SLC8A1: variants seen among roughly 807,000 people sequenced by gnomAD.
The protein encoded by SLC8A1 is solute carrier family 8 member A1.
In SLC8A1, 18 loss-of-function variants were observed where a neutral mutation model predicts 68.3. The ratio of observed to expected loss-of-function variants is 0.26; its 90% CI spans 0.18 to 0.39. The LOEUF (loss-of-function observed/expected upper bound fraction) is 0.39. SLC8A1 is among the 10% of genes least tolerant of loss of function. The pLI, the probability that SLC8A1 is intolerant of heterozygous loss-of-function variation, is 1.00. For missense variants in SLC8A1, 985 were observed against 1,156.7 expected (o/e 0.85, Z 2.15); for synonymous variants, 475 against 415.5 (o/e 1.14, Z -1.74).
chr2:40,216,040 T>A (rs1019590933), intron 2 of SLC8A1, among the ~76,000 whole-genome samples: 2 of 151,006 alleles, frequency 1.3e-5, no homozygotes, highest in Admixed American at 6.6e-5. Context: ...TTTTTAAAAA[T>A]TTTACTTTAA....
chr2:40,138,538 C>A (rs1312008681), intron 7 of SLC8A1, among the ~76,000 whole-genome samples: 5 of 152,154 alleles, frequency 3.3e-5, no homozygotes, highest in Non-Finnish European at 5.9e-5. Context: ...GTGCTGGAGA[C>A]TAGATCCAGA....
Position 40,370,048 on chromosome 2 carries a change from T to G in SLC8A1, c.1808+58425A>C, listed in dbSNP as rs182588248. The stretch of plus-strand genomic sequence containing the variant: ...AAATCTTATCTGTTGCTGTTAGTCT[T>G]AGCAAACACAATACAGGGAGACATG... On this transcript the variant is annotated intron_variant, in intron 2 of 7. Coordinates refer to ENST00000406785, the Ensembl canonical transcript of SLC8A1. 2.4e-4 allele frequency among the ~76,000 whole-genome samples: 37 copies of G among 152,242 alleles called. 1 individual carries two copies. The East Asian group carries it at 6.8e-3, about 28-fold the overall frequency.
At chr2:40,224,380 C>G (rs550965830) in intron 2 of SLC8A1, among the ~76,000 whole-genome samples, 99 of 152,194 alleles carry the variant, frequency 6.5e-4, no homozygotes, top group African/African-American at 2.3e-3. Context: ...CTATTTAGAA[C>G]TGGAGGTTCC....
intron 2 of SLC8A1, among the ~76,000 whole-genome samples, chr2:40,318,935 A>G (rs2074842253): frequency 6.6e-6 from 1 of 152,218 alleles, no homozygotes; most frequent in East Asian, 1.9e-4. Context: ...GAATTTCTGC[A>G]GATGTTACTG....
exon 8 of SLC8A1, chr2:40,099,840 T>A (rs2033793855): frequency 6.6e-6 from 1 of 152,064 alleles, no homozygotes; most frequent in African/African-American, 2.4e-5. Flanking sequence ...TAGATTCATT[T>A]CCTACCTGAA....
chr2:40,244,565 C>CAA (rs70957161), intron 2 of SLC8A1, among the ~76,000 whole-genome samples: 5 of 127,548 alleles, frequency 3.9e-5, no homozygotes, highest in East Asian at 2.8e-4. Flanking sequence ...TATGAAAAAC[C>CAA]AAAAAAAAAA....
exon 2 of SLC8A1, chr2:40,430,221 T>G (rs989112001): frequency 6.2e-7 from 1 of 1,613,572 alleles, no homozygotes; most frequent in Admixed American, 1.7e-5. Context: ...TCACAGTAAC[T>G]AACAGATGAA....
intron 1 of SLC8A1, among the ~76,000 whole-genome samples, chr2:40,470,263 G>A (rs1415043533): frequency 6.6e-6 from 1 of 151,970 alleles, no homozygotes; most frequent in African/African-American, 2.4e-5. Flanking sequence ...AATCAAAATA[G>A]TTTTTCTGTA....
At chr2:40,452,421 T>G (rs1392358504), upstream of SLC8A1, among the ~76,000 whole-genome samples, 1 of 152,082 alleles carries the variant, frequency 6.6e-6, no homozygotes, top group Non-Finnish European at 1.5e-5. Flanking sequence ...GGCCCCGCAG[T>G]GCGTTGTGGC....
chr2:40,435,342 C>T (rs1371242741), intron 1 of SLC8A1, among the ~76,000 whole-genome samples: 1 of 152,070 alleles, frequency 6.6e-6, no homozygotes. Context: ...CTCATCTGAC[C>T]ATCTCACCTA....
chr2:40,247,435 TGTG>T (rs1410052473), intron 2 of SLC8A1, among the ~76,000 whole-genome samples: 1 of 26,842 alleles, frequency 3.7e-5, no homozygotes, highest in African/African-American at 9.6e-5. Flanking sequence ...AGCATATATA[TGTG>T]TGTGTGTGTG....
At chr2:40,468,712 C>T (rs1204092098) in intron 1 of SLC8A1, among the ~76,000 whole-genome samples, 1 of 151,984 alleles carries the variant, frequency 6.6e-6, no homozygotes, top group Non-Finnish European at 1.5e-5. Flanking sequence ...TTAGCTTCAC[C>T]AGTTGTCAAC....
chr2:40,416,229 T>C (rs1693835429), intron 2 of SLC8A1, among the ~76,000 whole-genome samples: 1 of 152,102 alleles, frequency 6.6e-6, no homozygotes, highest in Non-Finnish European at 1.5e-5. Context: ...TATATTGTTA[T>C]CCTAAATACA....
chr2:40,286,668 TC>T (rs2068366355), intron 2 of SLC8A1, among the ~76,000 whole-genome samples: 1 of 152,178 alleles, frequency 6.6e-6, no homozygotes, highest in Admixed American at 6.6e-5. Flanking sequence ...CTGATGACTT[TC>T]TCCATGGTCC....
chr2:40,196,482 C>T (rs2053047983), intron 2 of SLC8A1, among the ~76,000 whole-genome samples: 1 of 151,956 alleles, frequency 6.6e-6, no homozygotes, highest in African/African-American at 2.4e-5. Flanking sequence ...TGGCTACTTG[C>T]ATTTCCTGTG....
At chr2:40,404,614 A>G (rs941666969) in intron 2 of SLC8A1, among the ~76,000 whole-genome samples, 79 of 152,224 alleles carry the variant, frequency 5.2e-4, no homozygotes, top group Non-Finnish European at 1.3e-4. Context: ...ATTTATTAAG[A>G]GAGAGAATAT....
At chr2:40,481,066 T>G (rs1704595827) in intron 1 of SLC8A1, among the ~76,000 whole-genome samples, 1 of 152,200 alleles carries the variant, frequency 6.6e-6, no homozygotes, top group Non-Finnish European at 1.5e-5. Context: ...AAACAGGGCA[T>G]CAGTCGCAAA....
chr2:40,224,273 C>G (rs2058701589), intron 2 of SLC8A1, among the ~76,000 whole-genome samples: 1 of 151,940 alleles, frequency 6.6e-6, no homozygotes, highest in Admixed American at 6.6e-5. Flanking sequence ...AAGACAGAGG[C>G]CCGATTAAAA....
chr2:40,397,970 G>A (rs1227966362), intron 2 of SLC8A1, among the ~76,000 whole-genome samples: 7 of 152,158 alleles, frequency 4.6e-5, no homozygotes, highest in Admixed American at 4.6e-4. Context: ...ACATTAAACA[G>A]CTGAGCCAAC....
Sources: allele counts gnomAD v4.1 joint callset (sites outside exome capture counted in the v4.1 genomes callset), GRCh38; gene constraint gnomAD v4.1.1; transcripts MANE v1.5; gene names NCBI Gene and HGNC (gene_info 2026-07-23, HGNC 2026-07-21).